RAB3GAP1: variants seen among roughly 807,000 people sequenced by gnomAD.
RAB3GAP1 encodes RAB3 GTPase activating protein catalytic subunit 1, also known as rab3 GTPase-activating protein catalytic subunit.
In RAB3GAP1, 86 loss-of-function variants were observed where a neutral mutation model predicts 130.7. The ratio of observed to expected loss-of-function variants is 0.66; its 90% CI spans 0.55 to 0.79. The LOEUF is 0.79. Among genes scored for constraint, RAB3GAP1 ranks in the 30% least tolerant of loss-of-function variants. The probability of loss-of-function intolerance (pLI) is 0.00; values close to 1 mark genes in which losing one functional copy is unlikely to be tolerated. For missense variants in RAB3GAP1, 1,029 were observed against 1,169.4 expected, an observed-to-expected ratio of 0.88 and a Z score of 1.75; for synonymous variants, 367 against 401.7, an observed-to-expected ratio of 0.91 and a Z score of 1.03.
intron 16 of RAB3GAP1, 51 bp from the exon 17 acceptor site, chr2:135,135,513 T>C: frequency 6.6e-7 from 1 of 1,520,336 alleles, no homozygotes; most frequent in Non-Finnish European, 8.9e-7. Context: ...AGGTAGATTT[T>C]TATTTTTCTG....
At chr2:135,168,053 G>A (rs11895077) in intron 23 of RAB3GAP1, among the ~76,000 whole-genome samples, 8,223 of 152,184 alleles carry the variant, frequency 0.054, 418 homozygotes, top group African/African-American at 0.14. Flanking sequence ...CATCACATTA[G>A]CTGCCCAGCA....
chr2:135,064,750 G>GT (rs201895107), intron 3 of RAB3GAP1, among the ~76,000 whole-genome samples: 46 of 109,058 alleles, frequency 4.2e-4, no homozygotes, highest in African/African-American at 1.0e-3. Flanking sequence ...TTCCTGAGGT[G>GT]TTTTGTTTTT....
At chr2:135,141,699 C>G (rs917543994) in intron 17 of RAB3GAP1, among the ~76,000 whole-genome samples, 1 of 152,118 alleles carries the variant, frequency 6.6e-6, no homozygotes, top group Non-Finnish European at 1.5e-5. Flanking sequence ...TTACCTATAT[C>G]ATTTGTTTGT....
At chr2:135,123,122 C>G (rs575348777) in intron 8 of RAB3GAP1, among the ~76,000 whole-genome samples, 1 of 152,320 alleles carries the variant, frequency 6.6e-6, no homozygotes, top group Admixed American at 6.5e-5. Context: ...AGTTTGCATA[C>G]AAACACTAGT....
In RAB3GAP1 at chr2:135,063,190, C is replaced by T. The variant is rs182565467; in HGVS notation, c.150+5104C>T. Among the ~76,000 whole-genome samples the T allele has an allele frequency of 5.3e-5, 8 of 151,976 alleles. No homozygotes were observed. In the East Asian group the frequency reaches 1.2e-3, roughly 22 times the overall value. ...TAAATTATTTTTTTAGTTTGCTGAA[C>T]GTTTTTTGTTTTTATTGTAAATGAG... On this transcript the variant is annotated intron_variant, in intron 3 of 23. Transcript: ENST00000264158.
chr2:135,090,869 T>G, intron 3 of RAB3GAP1, 129 bp from the exon 4 acceptor site: 1 of 747,970 alleles, frequency 1.3e-6, no homozygotes. Context: ...CATTCACTTT[T>G]ATGTTTTTCT....
At chr2:135,108,496 C>G (rs1690696028) in intron 5 of RAB3GAP1, among the ~76,000 whole-genome samples, 1 of 146,176 alleles carries the variant, frequency 6.8e-6, no homozygotes, top group Admixed American at 6.8e-5. Context: ...GGTGAGGTGT[C>G]TGGTTGAAGT....
At chr2:135,100,157 A>G (rs1354163142) in intron 5 of RAB3GAP1, among the ~76,000 whole-genome samples, 1 of 152,212 alleles carries the variant, frequency 6.6e-6, no homozygotes, top group Admixed American at 6.5e-5. Context: ...TCAGAGTTAT[A>G]TAATTCACAT....
intron 3 of RAB3GAP1, among the ~76,000 whole-genome samples, chr2:135,062,829 C>T (rs1260219491): frequency 1.3e-5 from 2 of 152,162 alleles, no homozygotes; most frequent in Non-Finnish European, 2.9e-5. Flanking sequence ...TCCAGTTGTT[C>T]ACTGCTAGTA....
At chr2:135,114,101 A>G (rs542418631) in intron 6 of RAB3GAP1, among the ~76,000 whole-genome samples, 1 of 152,142 alleles carries the variant, frequency 6.6e-6, no homozygotes, top group Non-Finnish European at 1.5e-5. Flanking sequence ...TTTTAACAAT[A>G]TATCTGCATG....
chr2:135,083,622 A>C (rs1024454262), intron 3 of RAB3GAP1, among the ~76,000 whole-genome samples: 6 of 149,760 alleles, frequency 4.0e-5, no homozygotes, highest in African/African-American at 1.5e-4. Flanking sequence ...CCAACACATT[A>C]AAAAAAAATT....
In RAB3GAP1 at chr2:135,126,610, T is replaced by C. The variant is rs760891479; in HGVS notation, c.927T>C (p.His309=). 3.7e-5 allele frequency: 60 copies of C among 1,613,200 alleles called. No individual in the cohort carries two copies. In the South Asian group the frequency reaches 6.3e-4, roughly 17 times the overall value. ...ATTTGGATCCTATTCAAGCTCCACA[T>C]TGGTCTGTTAGAGTTCGAAAAGCTG... The part of the protein sequence containing the change: ...YSDLDPIQAP[H]WSVRVRKAEN... The change falls in exon 11 of 24, where the codon CAT becomes CAC. Residue 309 remains histidine, a synonymous_variant. Coordinates refer to ENST00000264158, the MANE Select transcript of RAB3GAP1 (RefSeq NM_012233.3).
chr2:135,101,343 G>A (rs1454954149), intron 5 of RAB3GAP1, among the ~76,000 whole-genome samples: 1 of 152,120 alleles, frequency 6.6e-6, no homozygotes, highest in Non-Finnish European at 1.5e-5. Context: ...ATTTTAAAAA[G>A]TTAAACCAGA....
chr2:135,148,541 C>A (rs1321860412), intron 17 of RAB3GAP1, among the ~76,000 whole-genome samples: 1 of 146,748 alleles, frequency 6.8e-6, no homozygotes. Context: ...GTTACCGAGG[C>A]CTGAGTGCAG....
At chr2:135,126,399 T>G in intron 10 of RAB3GAP1, 150 bp downstream of exon 10, 1 of 887,832 alleles carries the variant, frequency 1.1e-6, no homozygotes, top group Non-Finnish European at 1.7e-6. Flanking sequence ...GACTTTGATT[T>G]CTTATGATGT....
chr2:135,063,926 T>C (rs982673142), intron 3 of RAB3GAP1, among the ~76,000 whole-genome samples: 1 of 152,206 alleles, frequency 6.6e-6, no homozygotes, highest in Non-Finnish European at 1.5e-5. Flanking sequence ...ATTTTGTTTT[T>C]GTTTTCCTGA....
At chr2:135,059,683 T>C (rs536112284) in intron 3 of RAB3GAP1, among the ~76,000 whole-genome samples, 1 of 152,278 alleles carries the variant, frequency 6.6e-6, no homozygotes, top group South Asian at 2.1e-4. Flanking sequence ...TAGTGTTAAC[T>C]AAAGTCACTC....
intron 5 of RAB3GAP1, among the ~76,000 whole-genome samples, chr2:135,102,994 G>A (rs1476066599): frequency 7.9e-6 from 1 of 126,946 alleles, no homozygotes; most frequent in South Asian, 2.7e-4. Flanking sequence ...GCGACAGTGC[G>A]AGACTCCGTC....
intron 19 of RAB3GAP1, among the ~76,000 whole-genome samples, chr2:135,162,095 T>A (rs1692480868): frequency 1.3e-5 from 2 of 152,010 alleles, no homozygotes. Flanking sequence ...GGAAAAAAAA[T>A]AAACCAAAAC....
Sources: allele counts gnomAD v4.1 joint callset (sites outside exome capture counted in the v4.1 genomes callset), GRCh38; gene constraint gnomAD v4.1.1; transcripts MANE v1.5; gene names NCBI Gene and HGNC (gene_info 2026-07-23, HGNC 2026-07-21).